TRIOBP: variants seen among roughly 807,000 people sequenced by gnomAD.
The protein encoded by TRIOBP is TRIO and F-actin binding protein, also known as TRIO and F-actin-binding protein.
A neutral mutation model predicts 238.8 loss-of-function variants in TRIOBP; 169 were observed. The ratio of observed to expected loss-of-function variants is 0.71; its 90% CI spans 0.62 to 0.80. The LOEUF is 0.80. TRIOBP is among the 30% of genes least tolerant of loss of function. The probability of loss-of-function intolerance (pLI) is 0.00; values close to 1 mark genes in which losing one functional copy is unlikely to be tolerated. For synonymous variants in TRIOBP, 1,150 were observed against 1,274.4 expected, an observed-to-expected ratio of 0.90 and a Z score of 2.08; for missense variants, 2,838 against 3,122.6, an observed-to-expected ratio of 0.91 and a Z score of 2.17.
intron 3 of TRIOBP, among the ~76,000 whole-genome samples, chr22:37,708,448 G>A (rs1360977401): frequency 1.3e-5 from 2 of 152,190 alleles, no homozygotes; most frequent in Non-Finnish European, 2.9e-5. Flanking sequence ...CTACTGGGGT[G>A]GCTGAGGCAG....
intron 15 of TRIOBP, among the ~76,000 whole-genome samples, chr22:37,756,932 G>T (rs899135760): frequency 2.0e-5 from 3 of 152,190 alleles, no homozygotes; most frequent in South Asian, 2.1e-4. Flanking sequence ...TGGGACATTG[G>T]TCTCCTACAT....
intron 17 of TRIOBP, 96 bp from the exon 18 acceptor site, chr22:37,765,574 T>G (rs1318017099): frequency 6.6e-7 from 1 of 1,504,310 alleles, no homozygotes; most frequent in African/African-American, 1.4e-5. Flanking sequence ...GAGGAGGTGG[T>G]GTACCTGCCC....
At chr22:37,763,104 G>C (rs1926321891) in intron 17 of TRIOBP, among the ~76,000 whole-genome samples, 1 of 152,182 alleles carries the variant, frequency 6.6e-6, no homozygotes, top group South Asian at 2.1e-4. Context: ...GCACCCCTGA[G>C]CTGCTGGGTC....
chr22:37,705,692 C>T (rs1220670796), intron 3 of TRIOBP, among the ~76,000 whole-genome samples: 5 of 152,022 alleles, frequency 3.3e-5, no homozygotes, highest in African/African-American at 4.8e-5. Context: ...TCTCCTGCCT[C>T]AGCCTCCCAG....
At chr22:37,702,178 C>A (rs1383610784) in intron 3 of TRIOBP, among the ~76,000 whole-genome samples, 1 of 126,236 alleles carries the variant, frequency 7.9e-6, no homozygotes, top group Non-Finnish European at 1.9e-5. Flanking sequence ...TCGTTACACC[C>A]TAACTTGAGA....
At chr22:37,697,852 C>T (rs1171763510) in intron 2 of TRIOBP, among the ~76,000 whole-genome samples, 156 bp downstream of exon 2, 2 of 152,040 alleles carry the variant, frequency 1.3e-5, no homozygotes, top group Non-Finnish European at 2.9e-5. Context: ...CACTCCAGGG[C>T]ATGGATGTTG....
chr22:37,740,160 G>C lies in TRIOBP; in HGVS notation c.5185-735G>C, dbSNP rs74504759. The stretch of plus-strand genomic sequence containing the variant: ...CAAAGCCCTCCTGGACCTGTGCTTT[G>C]ATGCTTCAAGTTCCACTTCCAAAGA... On this transcript the variant is annotated intron_variant, in intron 10 of 23. Coordinates refer to ENST00000644935, the MANE Select transcript of TRIOBP (RefSeq NM_001039141.3). 2.2e-3 allele frequency among the ~76,000 whole-genome samples: 336 copies of C among 152,324 alleles called. 3 individuals carry two copies. Among genetic ancestry groups the C allele is most frequent in the African/African-American group, 7.7e-3 (322 of 41,570 alleles).
At chr22:37,701,822 G>A (rs979826014) in intron 3 of TRIOBP, among the ~76,000 whole-genome samples, 1 of 152,204 alleles carries the variant, frequency 6.6e-6, no homozygotes, top group Non-Finnish European at 1.5e-5. Flanking sequence ...CTGTTAAGAA[G>A]AAGAGGTTAA....
chr22:37,751,117 G>A, intron 11 of TRIOBP: 1 of 436,692 alleles, frequency 2.3e-6, no homozygotes, highest in Non-Finnish European at 4.7e-6. Context: ...GGGTGGGGGT[G>A]CCTGGCACAG....
Position 37,734,877 on chromosome 22 carries a change from GCC to G in TRIOBP, c.4546_4547del (p.Pro1516Ter), listed in dbSNP as rs772921599. The G allele has an allele frequency of 6.2e-7, 1 of 1,613,114 alleles. No homozygotes were observed. The highest frequency in any genetic ancestry group is 8.5e-7 in the Non-Finnish European group (1 of 1,179,996). ...CTAGGAAAGAGAAGCCCACTCACGA[GCC>G]CCCCTGAGAACTGGGGAGGCCCCGC... On this transcript the variant is annotated frameshift_variant, in exon 9 of 24. Transcript: ENST00000644935. LOFTEE classifies it high-confidence loss of function.
intron 7 of TRIOBP, among the ~76,000 whole-genome samples, chr22:37,732,555 G>C (rs1216881734): frequency 6.7e-6 from 1 of 148,214 alleles, no homozygotes; most frequent in Non-Finnish European, 1.5e-5. Context: ...AGTTTATGTT[G>C]GCCTCTCTGA....
rs144633537 is a variant in TRIOBP, at chr22:37,730,535, T to C, written c.3948-2763T>C. Among the ~76,000 whole-genome samples, 975 of 152,244 alleles carry C rather than the reference T, an allele frequency of 6.4e-3. 3 individuals are homozygous for C. Among genetic ancestry groups the C allele is most frequent in the Middle Eastern group, 0.024 (7 of 294 alleles). On this transcript the variant is annotated intron_variant, in intron 7 of 23. Transcript: ENST00000644935. ...TCCCCATTAGGGAGGAACAGCCCAC[T>C]GGGTCACGTCTGGGCTCTTGCTTCA...
intron 12 of TRIOBP, among the ~76,000 whole-genome samples, chr22:37,753,559 G>A (rs1243952226): frequency 1.3e-5 from 2 of 152,232 alleles, no homozygotes; most frequent in Non-Finnish European, 2.9e-5. Flanking sequence ...GATTATAGGC[G>A]CGAGCTACCG....
At chr22:37,716,052 A>G in intron 6 of TRIOBP, 118 bp downstream of exon 6, 1 of 1,027,858 alleles carries the variant, frequency 9.7e-7, no homozygotes, top group Non-Finnish European at 1.5e-6. Flanking sequence ...AGTGTTAATA[A>G]TAGTAACAGT....
At chr22:37,756,121 G>A (rs1032568174) in intron 15 of TRIOBP, among the ~76,000 whole-genome samples, 11 of 152,206 alleles carry the variant, frequency 7.2e-5, no homozygotes, top group Admixed American at 2.0e-4. Flanking sequence ...TGCCCATGGC[G>A]GGCTGGGACT....
At chr22:37,758,414 C>T (rs902753097) in intron 16 of TRIOBP, among the ~76,000 whole-genome samples, 1 of 152,228 alleles carries the variant, frequency 6.6e-6, no homozygotes, top group African/African-American at 2.4e-5. Context: ...CAGGCTCACA[C>T]CTGTAATCCT....
Position 37,725,936 on chromosome 22 carries a change from G to T in TRIOBP, c.3380G>T (p.Arg1127Leu). 6.2e-7 allele frequency: 1 copy of T among 1,612,950 alleles called. No homozygotes were observed. Among genetic ancestry groups the T allele is most frequent in the Non-Finnish European group, 8.5e-7 (1 of 1,179,758 alleles). ...RDAPRASSPP[R>L]QAPEPSLLFQ... is the part of the protein sequence containing the mutation. ...GCACCCCGGGCCTCCTCCCCACCAC[G>T]CCAGGCCCCAGAGCCTTCCCTCTTA... Residue 1127 changes from arginine to leucine, a missense_variant, in exon 7 of 24, where the codon CGC becomes CTC. Transcript: ENST00000644935.
chr22:37,702,606 A>C (rs1922711674), intron 3 of TRIOBP, among the ~76,000 whole-genome samples: 1 of 147,438 alleles, frequency 6.8e-6, no homozygotes, highest in East Asian at 2.0e-4. Flanking sequence ...ATACACCAGC[A>C]TCATCTAGAG....
chr22:37,715,314 A>G (rs1480763067), intron 5 of TRIOBP, among the ~76,000 whole-genome samples: 1 of 147,694 alleles, frequency 6.8e-6, no homozygotes, highest in Non-Finnish European at 1.5e-5. Context: ...TGCGCCCTGC[A>G]GGGAAGTGCT....
Sources: gnomAD v4.1 joint callset for allele counts (sites outside exome capture counted in the v4.1 genomes callset) on GRCh38, gnomAD v4.1.1 for gene constraint, MANE v1.5 for transcripts, NCBI Gene and HGNC (gene_info 2026-07-23, HGNC 2026-07-21) for gene names.